SDK1: variants seen among roughly 807,000 people sequenced by gnomAD.
SDK1 encodes protein sidekick-1.
Under a neutral mutation model 245.5 loss-of-function variants are expected in SDK1, and 157 were observed. The ratio of observed to expected loss-of-function variants is 0.64; its 90% CI spans 0.56 to 0.73. The LOEUF (loss-of-function observed/expected upper bound fraction) is 0.73. Among genes scored for constraint, SDK1 ranks in the 30% least tolerant of loss-of-function variants. The pLI is 0.00. For synonymous variants in SDK1, 1,647 were observed against 1,278.5 expected (o/e 1.29, Z -6.15); for missense variants, 3,583 against 3,002.3 (o/e 1.19, Z -4.52).
chr7:3,994,037 A>T (rs1784531507), intron 14 of SDK1, among the ~76,000 whole-genome samples: 1 of 151,830 alleles, frequency 6.6e-6, no homozygotes. Flanking sequence ...ATTTTCTCTG[A>T]CTCATTGAAG....
At chr7:3,460,044 T>C (rs1780786703) in intron 1 of SDK1, among the ~76,000 whole-genome samples, 1 of 152,246 alleles carries the variant, frequency 6.6e-6, no homozygotes, top group Non-Finnish European at 1.5e-5. Context: ...AGTATTTATT[T>C]TGAAGTCTAT....
At chr7:3,450,079 C>G (rs911172091) in intron 1 of SDK1, among the ~76,000 whole-genome samples, 3 of 152,140 alleles carry the variant, frequency 2.0e-5, no homozygotes, top group Admixed American at 6.5e-5. Context: ...GGGAGAGGAG[C>G]TTTCAACTAG....
intron 4 of SDK1, among the ~76,000 whole-genome samples, chr7:3,674,492 A>C (rs891803749): frequency 6.6e-6 from 1 of 152,114 alleles, no homozygotes; most frequent in African/African-American, 2.4e-5. Flanking sequence ...CTGGTCTTTG[A>C]GTCACAGAAA....
At chr7:3,624,710 G>A (rs1439123423) in intron 2 of SDK1, among the ~76,000 whole-genome samples, 2 of 152,006 alleles carry the variant, frequency 1.3e-5, no homozygotes, top group Non-Finnish European at 2.9e-5. Context: ...TAAACAATAT[G>A]CCAGAGGAGC....
intron 1 of SDK1, among the ~76,000 whole-genome samples, chr7:3,464,435 C>T (rs1422666827): frequency 6.6e-6 from 1 of 152,128 alleles, no homozygotes; most frequent in Non-Finnish European, 1.5e-5. Context: ...GTGGGAGGAT[C>T]ATTTGAGCCG....
chr7:4,167,892 G>A (rs1258568693), intron 32 of SDK1, among the ~76,000 whole-genome samples: 1 of 152,222 alleles, frequency 6.6e-6, no homozygotes, highest in African/African-American at 2.4e-5. Context: ...AGCTTGTACT[G>A]CAAGGTGGCT....
chr7:4,181,849 A>G (rs994209758), intron 35 of SDK1, among the ~76,000 whole-genome samples: 3 of 152,128 alleles, frequency 2.0e-5, no homozygotes, highest in African/African-American at 7.2e-5. Flanking sequence ...CCACAGCATC[A>G]CACCCACCCA....
At chr7:3,897,664 T>A (rs1040253178) in intron 5 of SDK1, among the ~76,000 whole-genome samples, 2 of 152,200 alleles carry the variant, frequency 1.3e-5, no homozygotes. Context: ...GCCACGTTCT[T>A]CTTAATGTTC....
At chr7:3,928,068 G>A (rs186500297) in intron 5 of SDK1, among the ~76,000 whole-genome samples, 56 of 152,276 alleles carry the variant, frequency 3.7e-4, no homozygotes, top group African/African-American at 1.3e-3. Context: ...TTCAGAAATA[G>A]GTTAATTGTT....
At chr7:3,807,669 G>C (rs963447218) in intron 4 of SDK1, among the ~76,000 whole-genome samples, 1 of 152,136 alleles carries the variant, frequency 6.6e-6, no homozygotes, top group African/African-American at 2.4e-5. Flanking sequence ...CCTCTCCCTG[G>C]CATGTTGTCT....
At chr7:3,552,852 G>A (rs1318054690) in intron 1 of SDK1, among the ~76,000 whole-genome samples, 1 of 152,162 alleles carries the variant, frequency 6.6e-6, no homozygotes, top group African/African-American at 2.4e-5. Context: ...AGAAGTGGAA[G>A]GTAAGTTGGG....
chr7:3,410,009 C>A (rs995241035), intron 1 of SDK1, among the ~76,000 whole-genome samples: 1 of 152,014 alleles, frequency 6.6e-6, no homozygotes, highest in African/African-American at 2.4e-5. Context: ...GCTTCAATGT[C>A]CTCACCTGTA....
At chr7:3,446,773 T>C (rs893355698) in intron 1 of SDK1, among the ~76,000 whole-genome samples, 12 of 152,330 alleles carry the variant, frequency 7.9e-5, no homozygotes, top group African/African-American at 2.9e-4. Flanking sequence ...GAATAGTTAA[T>C]ATCCAGGGTA....
intron 5 of SDK1, among the ~76,000 whole-genome samples, chr7:3,877,864 C>G (rs1583503237): frequency 6.6e-6 from 1 of 152,324 alleles, no homozygotes; most frequent in East Asian, 1.9e-4. Context: ...ATGTATTTAG[C>G]CATCAATGGA....
chr7:3,471,725 C>T (rs1032792805), intron 1 of SDK1, among the ~76,000 whole-genome samples: 1 of 152,132 alleles, frequency 6.6e-6, no homozygotes, highest in African/African-American at 2.4e-5. Context: ...AGAGAAAATA[C>T]TGCTTTTCTT....
intron 1 of SDK1, among the ~76,000 whole-genome samples, chr7:3,601,294 T>A (rs1190787511): frequency 1.3e-5 from 2 of 152,198 alleles, no homozygotes; most frequent in Non-Finnish European, 2.9e-5. Context: ...TACATTGGTG[T>A]TGATTCTTCT....
chr7:3,474,091 GTTTTTTTT>G (rs869083123), intron 1 of SDK1, among the ~76,000 whole-genome samples: 4 of 43,228 alleles, frequency 9.3e-5, no homozygotes, highest in Non-Finnish European at 1.6e-4. Context: ...ACCAGATGGT[GTTTTTTTT>G]TTTTTTTTTT....
At chr7:3,991,104 C>T (rs964443375) in intron 14 of SDK1, among the ~76,000 whole-genome samples, 8 of 152,204 alleles carry the variant, frequency 5.3e-5, no homozygotes, top group African/African-American at 9.7e-5. Context: ...CGGCTAGGTA[C>T]GTACATAGTG....
intron 4 of SDK1, among the ~76,000 whole-genome samples, chr7:3,725,867 C>T (rs552763830): frequency 1.3e-5 from 2 of 152,274 alleles, no homozygotes; most frequent in African/African-American, 2.4e-5. Context: ...TTACTGCAGT[C>T]GGACTCCAAT....
Sources: gnomAD v4.1 joint callset for allele counts (sites outside exome capture counted in the v4.1 genomes callset) on GRCh38, gnomAD v4.1.1 for gene constraint, MANE v1.5 for transcripts, NCBI Gene and HGNC (gene_info 2026-07-23, HGNC 2026-07-21) for gene names.